CDH12: variants seen among roughly 807,000 people sequenced by gnomAD.
The protein encoded by CDH12 is cadherin 12, also known as cadherin-12.
In CDH12, 41 loss-of-function variants were observed where a neutral mutation model predicts 74.1. That is an observed-to-expected ratio of 0.55 (90% CI 0.43 to 0.72). The LOEUF (loss-of-function observed/expected upper bound fraction) is 0.72. Ranked by LOEUF, CDH12 falls within the 30% of genes least tolerant of loss-of-function variation. The probability of loss-of-function intolerance (pLI) is 0.00; values close to 1 mark genes in which losing one functional copy is unlikely to be tolerated. For synonymous variants in CDH12, 399 were observed against 355.0 expected, an observed-to-expected ratio of 1.12 and a Z score of -1.39; for missense variants, 945 against 977.2, an observed-to-expected ratio of 0.97 and a Z score of 0.44.
At chr5:21,969,197 C>T (rs1274305127) in intron 6 of CDH12, among the ~76,000 whole-genome samples, 3 of 151,728 alleles carry the variant, frequency 2.0e-5, no homozygotes, top group South Asian at 2.1e-4. Flanking sequence ...CCCATCTAGA[C>T]TTGATTTAGA....
chr5:22,723,870 A>T (rs1744023738), intron 1 of CDH12, among the ~76,000 whole-genome samples: 1 of 152,062 alleles, frequency 6.6e-6, no homozygotes, highest in Non-Finnish European at 1.5e-5. Flanking sequence ...GATGGAAGAT[A>T]GTAATCGCAC....
At chr5:22,699,930 T>C (rs1217229044) in intron 1 of CDH12, among the ~76,000 whole-genome samples, 1 of 152,138 alleles carries the variant, frequency 6.6e-6, no homozygotes, top group Non-Finnish European at 1.5e-5. Context: ...ATCCCAGCAC[T>C]TTGAGAGGCC....
intron 14 of CDH12, 119 bp downstream of exon 14, chr5:21,755,472 A>G (rs1277838298): frequency 5.1e-6 from 4 of 788,726 alleles, no homozygotes; most frequent in Non-Finnish European, 8.0e-6. Context: ...TAGGTATGAC[A>G]TGTCAATGAA....
At chr5:22,737,393 A>C (rs542052817) in intron 1 of CDH12, among the ~76,000 whole-genome samples, 1 of 152,016 alleles carries the variant, frequency 6.6e-6, no homozygotes, top group African/African-American at 2.4e-5. Flanking sequence ...ATGAAGCTCA[A>C]AATAATATAT....
At chr5:22,605,256 T>C (rs1737044104) in intron 1 of CDH12, among the ~76,000 whole-genome samples, 12 of 152,154 alleles carry the variant, frequency 7.9e-5, no homozygotes, top group Admixed American at 7.9e-4. Context: ...ATTTGGACTT[T>C]CCAGTCTTCT....
At chr5:22,266,700 A>C (rs1736132802) in intron 3 of CDH12, among the ~76,000 whole-genome samples, 1 of 152,138 alleles carries the variant, frequency 6.6e-6, no homozygotes, top group South Asian at 2.1e-4. Context: ...TCAGTACATA[A>C]GGAGTATTTT....
intron 1 of CDH12, among the ~76,000 whole-genome samples, chr5:22,566,783 A>G (rs1232329783): frequency 1.3e-5 from 2 of 152,156 alleles, no homozygotes; most frequent in Non-Finnish European, 2.9e-5. Context: ...GAAAACAATA[A>G]TAACATTACT....
At chr5:22,428,983 A>G (rs1479008674) in intron 2 of CDH12, among the ~76,000 whole-genome samples, 2 of 152,176 alleles carry the variant, frequency 1.3e-5, no homozygotes, top group African/African-American at 4.8e-5. Flanking sequence ...AACTCAACTA[A>G]GAAGAAATTG....
chr5:22,803,980 A>C (rs551470080), intron 1 of CDH12, among the ~76,000 whole-genome samples: 1 of 151,212 alleles, frequency 6.6e-6, no homozygotes, highest in Non-Finnish European at 1.5e-5. Flanking sequence ...TGTTTTTACA[A>C]AAAAAAAATC....
intron 5 of CDH12, 39 bp downstream of exon 5, chr5:22,078,407 C>T: frequency 6.3e-7 from 1 of 1,575,238 alleles, no homozygotes; most frequent in Non-Finnish European, 8.7e-7. Context: ...CATATTCCCC[C>T]TTCCTATCAA....
chr5:21,989,709 T>C (rs1757668552), intron 5 of CDH12, among the ~76,000 whole-genome samples: 1 of 152,220 alleles, frequency 6.6e-6, no homozygotes, highest in Admixed American at 6.5e-5. Flanking sequence ...ACATTATGTT[T>C]AACATAAGTA....
chr5:21,798,249 ATG>A (rs55704091), intron 10 of CDH12, among the ~76,000 whole-genome samples: 4,243 of 148,800 alleles, frequency 0.029, 101 homozygotes, highest in African/African-American at 0.067. Context: ...GTATATGTGG[ATG>A]TGTGTGTGTG....
chr5:22,594,726 T>G (rs1049588252), intron 1 of CDH12, among the ~76,000 whole-genome samples: 9 of 152,176 alleles, frequency 5.9e-5, no homozygotes, highest in African/African-American at 2.2e-4. Context: ...GTATTTATAT[T>G]AACTTAAACT....
chr5:21,929,642 C>T (rs921719853), intron 6 of CDH12, among the ~76,000 whole-genome samples: 13 of 152,122 alleles, frequency 8.5e-5, no homozygotes, highest in Admixed American at 2.6e-4. Flanking sequence ...CTCAGCCTCC[C>T]GAGTAGCTGG....
At chr5:22,210,654 T>G (rs1282656829) in intron 4 of CDH12, among the ~76,000 whole-genome samples, 1 of 152,096 alleles carries the variant, frequency 6.6e-6, no homozygotes, top group Non-Finnish European at 1.5e-5. Flanking sequence ...ATGGACGTAC[T>G]CTGGTCAGAC....
At chr5:21,905,585 C>T (rs577866398) in intron 6 of CDH12, among the ~76,000 whole-genome samples, 4 of 152,316 alleles carry the variant, frequency 2.6e-5, no homozygotes, top group East Asian at 3.9e-4. Context: ...GTCCCTTACC[C>T]GATCACTCTC....
intron 3 of CDH12, among the ~76,000 whole-genome samples, chr5:22,265,439 T>G (rs1382944814): frequency 6.6e-6 from 1 of 152,184 alleles, no homozygotes; most frequent in African/African-American, 2.4e-5. Context: ...AATACTTAAC[T>G]ACTAGGCTTG....
intron 1 of CDH12, among the ~76,000 whole-genome samples, chr5:22,632,344 T>G (rs542910834): frequency 6.6e-6 from 1 of 152,252 alleles, no homozygotes; most frequent in Admixed American, 6.5e-5. Context: ...GAGAATGCGC[T>G]AATACATTAA....
At position 21,760,665 on chromosome 5, in the gene CDH12, A is replaced by G. The variant is rs878980075; in HGVS notation, c.1526T>C (p.Ile509Thr). 3.2e-6 allele frequency: 5 copies of G among 1,575,230 alleles called. No individual in the cohort carries two copies. Among genetic ancestry groups the G allele is most frequent in the East Asian group, 2.2e-5 (1 of 44,620 alleles). The change falls in exon 13 of 15, where the codon ATA becomes ACA. Residue 509 changes from isoleucine (I) to threonine (T), a missense_variant. Physicochemically the swap from Ile to Thr is moderately conservative, Grantham distance 89. Transcript: ENST00000382254. ...ENAKPGQIIQ[I>T]VSAADRDLSP... ...AAGATCTCGGTCTGCAGCACTGACT[A>G]TCTGAATTATCTGCAACAGAGTTGA...
Sources: allele counts gnomAD v4.1 joint callset (sites outside exome capture counted in the v4.1 genomes callset), GRCh38; gene constraint gnomAD v4.1.1; transcripts MANE v1.5; gene names NCBI Gene and HGNC (gene_info 2026-07-23, HGNC 2026-07-21).